FANCB: variants seen among roughly 807,000 people sequenced by gnomAD.
FANCB encodes the protein Fanconi anemia group B protein.
In FANCB, 5 loss-of-function variants were observed where a neutral mutation model predicts 38.9. The observed-to-expected ratio is 0.13, with a 90% confidence interval of 0.07 to 0.27. The LOEUF (loss-of-function observed/expected upper bound fraction) is 0.27, where lower values mean the gene tolerates loss of function less well. Among genes scored for constraint, FANCB ranks in the 10% least tolerant of loss-of-function variants. The probability of loss-of-function intolerance (pLI) is 1.00; values close to 1 mark genes in which losing one functional copy is unlikely to be tolerated. For missense variants in FANCB, 573 were observed against 602.7 expected, an observed-to-expected ratio of 0.95 and a Z score of 0.52; for synonymous variants, 236 against 215.4, an observed-to-expected ratio of 1.10 and a Z score of -0.84.
At chrX:14,741,831 T>C in the FANCB span, among the ~76,000 whole-genome samples, 15 of 111,903 alleles carry the variant, frequency 1.3e-4, no homozygotes, top group African/African-American at 4.9e-4. Flanking sequence ...CAAGCAATGT[T>C]AGGATAAGTT....
At chrX:14,791,426 C>A in the FANCB span, among the ~76,000 whole-genome samples, 1 of 111,790 alleles carries the variant, frequency 8.9e-6, no homozygotes, top group African/African-American at 3.3e-5. Context: ...GGAGGGAGTG[C>A]AGGCTGCTGA....
intron 10 of FANCB, among the ~76,000 whole-genome samples, chrX:14,837,833 C>G (rs1047234727): frequency 8.9e-6 from 1 of 112,116 alleles, no homozygotes; most frequent in African/African-American, 3.2e-5. Flanking sequence ...TACCCCTTAC[C>G]AGCTATGTGA....
chrX:14,711,777 G>A, the FANCB span, among the ~76,000 whole-genome samples: 3 of 112,670 alleles, frequency 2.7e-5, no homozygotes, highest in South Asian at 3.6e-4. Flanking sequence ...GTTAGTGGCA[G>A]AGCCAAGATT....
Position 14,865,287 on chromosome X carries a change from T to C in FANCB, c.224A>G (p.Lys75Arg). ...TGACACACAGTTGCAACACATGATT[T>C]TTAAATGAGAGTTTTCTTCCTTTAT... ...FTIKEENSHL[K>R]IMCCNCVSDF... Residue 75 changes from lysine (K) to arginine (R), a missense_variant, in exon 3 of 10, where the codon AAA becomes AGA. Coordinates refer to ENST00000650831, the MANE Select transcript of FANCB (RefSeq NM_001018113.3). 3.5e-6 allele frequency: 4 copies of C among 1,158,537 alleles called. No individual in the cohort carries two copies. The highest frequency in any genetic ancestry group is 4.6e-6 in the Non-Finnish European group (4 of 870,535).
At chrX:14,822,169 C>T in the FANCB span, among the ~76,000 whole-genome samples, 1 of 110,558 alleles carries the variant, frequency 9.0e-6, no homozygotes. Flanking sequence ...AGAGCTGCCC[C>T]CTGAGAGCTG....
chrX:14,766,475 A>C, the FANCB span, among the ~76,000 whole-genome samples: 1 of 111,512 alleles, frequency 9.0e-6, no homozygotes, highest in Non-Finnish European at 1.9e-5. Flanking sequence ...CAAAATTTAG[A>C]GTTAATAGTA....
At chrX:14,765,359 T>C in the FANCB span, among the ~76,000 whole-genome samples, 8 of 111,868 alleles carry the variant, frequency 7.2e-5, no homozygotes, top group Admixed American at 6.6e-4. Context: ...GCCACTTGTT[T>C]AGGGAGTAAT....
the FANCB span, among the ~76,000 whole-genome samples, chrX:14,813,500 C>G: frequency 1.3e-4 from 14 of 111,586 alleles, no homozygotes; most frequent in South Asian, 5.2e-3. Flanking sequence ...ACAAAAATCA[C>G]AAGCATTCCT....
the FANCB span, among the ~76,000 whole-genome samples, chrX:14,732,303 G>C: frequency 8.9e-6 from 1 of 111,907 alleles, no homozygotes; most frequent in Non-Finnish European, 1.9e-5. Context: ...ATTTGGGTTA[G>C]TTCCAAGTCT....
chrX:14,777,982 T>C, the FANCB span, among the ~76,000 whole-genome samples: 1 of 111,945 alleles, frequency 8.9e-6, no homozygotes, highest in Non-Finnish European at 1.9e-5. Flanking sequence ...TTCTTACATT[T>C]GGAATGTGAG....
the FANCB span, among the ~76,000 whole-genome samples, chrX:14,818,334 A>G: frequency 1.9e-5 from 2 of 106,783 alleles, no homozygotes; most frequent in Non-Finnish European, 3.9e-5. Flanking sequence ...TGGACCCAGA[A>G]GCATATCTGA....
intron 7 of FANCB, among the ~76,000 whole-genome samples, chrX:14,847,671 T>C (rs1302216320): frequency 9.2e-6 from 1 of 108,434 alleles, no homozygotes; most frequent in Non-Finnish European, 1.9e-5. Context: ...AAAAGAAATC[T>C]GCACTTAATC....
the FANCB span, among the ~76,000 whole-genome samples, chrX:14,816,771 A>T: frequency 8.9e-6 from 1 of 112,321 alleles, no homozygotes; most frequent in Non-Finnish European, 1.9e-5. Context: ...ATCTAAAAGG[A>T]TGAAGATGAT....
chrX:14,726,769 C>G, the FANCB span, among the ~76,000 whole-genome samples: 1 of 112,421 alleles, frequency 8.9e-6, no homozygotes, highest in African/African-American at 3.2e-5. Flanking sequence ...ATGAATGAGT[C>G]AATCTGAAAA....
At chrX:14,698,135 G>T in the FANCB span, among the ~76,000 whole-genome samples, 2 of 111,337 alleles carry the variant, frequency 1.8e-5, no homozygotes, top group Non-Finnish European at 3.8e-5. Flanking sequence ...ACAAGTACAG[G>T]GTCAGATCCT....
the FANCB span, among the ~76,000 whole-genome samples, chrX:14,798,140 TTTTTTG>T: frequency 9.0e-6 from 1 of 111,242 alleles, no homozygotes; most frequent in Non-Finnish European, 1.9e-5. Context: ...TTTTTGTTTT[TTTTTTG>T]TTTTTGTTTT....
At chrX:14,766,670 T>C in the FANCB span, among the ~76,000 whole-genome samples, 1 of 107,943 alleles carries the variant, frequency 9.3e-6, no homozygotes, top group East Asian at 3.0e-4. Flanking sequence ...TCTTTCTTTT[T>C]CTTTTTTTTT....
chrX:14,872,804 A>T (rs2147469645), intron 1 of FANCB, among the ~76,000 whole-genome samples, 182 bp downstream of exon 1: 1 of 112,604 alleles, frequency 8.9e-6, no homozygotes, highest in Non-Finnish European at 1.9e-5. Flanking sequence ...AGGGATGAAA[A>T]AAACTTCAAG....
chrX:14,843,383 G>T (rs183162259), downstream of FANCB: 1 of 406,972 alleles, frequency 2.5e-6, no homozygotes, highest in South Asian at 4.3e-5. Flanking sequence ...GGGTAGAGGA[G>T]AGGGAGATAA....
Sources: allele counts gnomAD v4.1 joint callset (sites outside exome capture counted in the v4.1 genomes callset), GRCh38; gene constraint gnomAD v4.1.1; transcripts MANE v1.5; gene names NCBI Gene and HGNC (gene_info 2026-07-23, HGNC 2026-07-21).